CNTN5: variants seen among roughly 807,000 people sequenced by gnomAD.
The protein encoded by CNTN5 is contactin-5.
Under a neutral mutation model 129.1 loss-of-function variants are expected in CNTN5, and 77 were observed. That is an observed-to-expected ratio of 0.60 (90% confidence interval 0.50 to 0.72). The LOEUF (loss-of-function observed/expected upper bound fraction) is 0.72, where lower values mean the gene tolerates loss of function less well. Among genes scored for constraint, CNTN5 ranks in the 30% least tolerant of loss-of-function variants. The pLI, the probability that CNTN5 is intolerant of heterozygous loss-of-function variation, is 0.00. For missense variants in CNTN5, 1,478 were observed against 1,328.8 expected, an observed-to-expected ratio of 1.11 and a Z score of -1.75; for synonymous variants, 509 against 465.6, an observed-to-expected ratio of 1.09 and a Z score of -1.20.
At chr11:99,188,971 C>T (rs1460645888) in intron 1 of CNTN5, among the ~76,000 whole-genome samples, 1 of 151,612 alleles carries the variant, frequency 6.6e-6, no homozygotes, top group Admixed American at 6.6e-5. Context: ...TTAATTGAAA[C>T]TTTCGAACTT....
chr11:100,128,975 A>G (rs1198835777), intron 13 of CNTN5, among the ~76,000 whole-genome samples: 2 of 152,092 alleles, frequency 1.3e-5, no homozygotes, highest in African/African-American at 2.4e-5. Context: ...ACTATTTCAG[A>G]TCATTAATAT....
chr11:100,240,071 CAT>C (rs1224649295), intron 16 of CNTN5, among the ~76,000 whole-genome samples: 2 of 152,160 alleles, frequency 1.3e-5, no homozygotes, highest in Non-Finnish European at 2.9e-5. Flanking sequence ...TCAAAGCTCA[CAT>C]ATTTGTTTCA....
At chr11:99,432,175 TAAG>T (rs1465818737) in intron 2 of CNTN5, among the ~76,000 whole-genome samples, 2 of 152,204 alleles carry the variant, frequency 1.3e-5, no homozygotes, top group Non-Finnish European at 2.9e-5. Context: ...ATTGCGGGCC[TAAG>T]ATTTTATTTT....
At chr11:100,308,643 T>C (rs1001500994) in intron 21 of CNTN5, 175 bp downstream of exon 21, 1 of 1,312,106 alleles carries the variant, frequency 7.6e-7, no homozygotes. Flanking sequence ...GCTCATTAAC[T>C]GGTTTATTTT....
chr11:100,139,965 G>C (rs1946640887), intron 13 of CNTN5, among the ~76,000 whole-genome samples: 1 of 152,154 alleles, frequency 6.6e-6, no homozygotes, highest in Non-Finnish European at 1.5e-5. Context: ...CTGGTGCAAT[G>C]CTCTCAAGTA....
At chr11:99,105,964 A>G (rs1164988841) in intron 1 of CNTN5, among the ~76,000 whole-genome samples, 1 of 152,170 alleles carries the variant, frequency 6.6e-6, no homozygotes, top group Non-Finnish European at 1.5e-5. Context: ...TTCAGTTAGA[A>G]ATGACAATGT....
intron 3 of CNTN5, among the ~76,000 whole-genome samples, chr11:99,789,997 T>G (rs938174835): frequency 6.6e-6 from 1 of 152,006 alleles, no homozygotes; most frequent in African/African-American, 2.4e-5. Flanking sequence ...ACCCAGTGTT[T>G]AGCTCCCACT....
Position 99,819,672 on chromosome 11 carries a change from C to G in CNTN5, c.184C>G (p.Leu62Val). The part of the protein sequence containing the change: ...PRYSSPSLGT[L>V]SASSPSWLGA... The stretch of plus-strand genomic sequence containing the variant: ...ATACAGCAGCCCTTCATTAGGAACA[C>G]TGAGTGCTTCTTCACCCAGCTGGCT... Residue 62 changes from leucine (L) to valine (V), a missense_variant, in exon 4 of 25, where the codon CTG becomes GTG. Coordinates refer to ENST00000524871, the MANE Select transcript of CNTN5 (RefSeq NM_014361.4). The G allele has an allele frequency of 6.2e-7, 1 of 1,612,976 alleles. No individual in the cohort carries two copies. The highest frequency in any genetic ancestry group is 1.3e-5 in the African/African-American group (1 of 75,090).
At chr11:99,450,001 A>G (rs1944233466) in intron 2 of CNTN5, among the ~76,000 whole-genome samples, 1 of 152,118 alleles carries the variant, frequency 6.6e-6, no homozygotes, top group African/African-American at 2.4e-5. Flanking sequence ...TATTTTTTTG[A>G]TCGACAAACT....
At position 99,294,144 on chromosome 11, in the gene CNTN5, C is replaced by T. The variant is rs533785234; in HGVS notation, c.-209-31202C>T. 1.5e-3 allele frequency among the ~76,000 whole-genome samples: 223 copies of T among 151,930 alleles called. 1 individual carries two copies. The highest frequency in any genetic ancestry group is 5.2e-3 in the African/African-American group (217 of 41,464). On this transcript the variant is annotated intron_variant, in intron 1 of 24. Coordinates refer to ENST00000524871, the MANE Select transcript of CNTN5 (RefSeq NM_014361.4). ...TCCAAGACTCTTTAAAATGTTATTC[C>T]TAATTTTTTAAATTAATTCATTGGT...
chr11:99,890,137 A>C (rs1253858694), intron 6 of CNTN5, among the ~76,000 whole-genome samples: 1 of 152,194 alleles, frequency 6.6e-6, no homozygotes, highest in Non-Finnish European at 1.5e-5. Context: ...ATTTGACATG[A>C]AGAATTGAAT....
intron 3 of CNTN5, among the ~76,000 whole-genome samples, chr11:99,723,051 C>G: frequency 6.6e-6 from 1 of 151,942 alleles, no homozygotes; most frequent in East Asian, 1.9e-4. Context: ...TATATTTAGA[C>G]TCCATGGGGA....
At chr11:99,827,823 A>G (rs1027202206) in intron 4 of CNTN5, among the ~76,000 whole-genome samples, 1 of 152,174 alleles carries the variant, frequency 6.6e-6, no homozygotes, top group Admixed American at 6.6e-5. Flanking sequence ...AATGTTTGTG[A>G]CGCAAATTTT....
At chr11:99,495,715 G>C (rs1946199618) in intron 2 of CNTN5, among the ~76,000 whole-genome samples, 1 of 152,124 alleles carries the variant, frequency 6.6e-6, no homozygotes, top group Non-Finnish European at 1.5e-5. Flanking sequence ...TTGATAGCAG[G>C]GTAGAGAATA....
chr11:100,293,261 A>G (rs1951032486), intron 18 of CNTN5, among the ~76,000 whole-genome samples: 1 of 151,836 alleles, frequency 6.6e-6, no homozygotes, highest in African/African-American at 2.4e-5. Context: ...CTTCTTGACT[A>G]TTGCCACTTA....
chr11:99,547,180 T>G (rs1337710449), intron 2 of CNTN5, among the ~76,000 whole-genome samples: 1 of 151,982 alleles, frequency 6.6e-6, no homozygotes, highest in Non-Finnish European at 1.5e-5. Flanking sequence ...ATTTTGTATT[T>G]TTTTAGTAGA....
chr11:99,093,324 GC>G (rs1866330393), intron 1 of CNTN5, among the ~76,000 whole-genome samples: 1 of 152,032 alleles, frequency 6.6e-6, no homozygotes, highest in Non-Finnish European at 1.5e-5. Context: ...GATCTCTGTT[GC>G]CAGACACTAG....
In CNTN5 at chr11:99,241,602, T is replaced by G. The variant is rs572468493; in HGVS notation, c.-209-83744T>G. Among the ~76,000 whole-genome samples, 4 of 152,186 alleles carry G rather than the reference T, an allele frequency of 2.6e-5. No homozygotes were observed. The East Asian group carries it at 5.8e-4, about 22-fold the overall frequency. The stretch of plus-strand genomic sequence containing the variant: ...TAGGTAGGTAGACAGATTGATAGAT[T>G]TTTTTAAACATTGGCTGTCCGTTTT... On this transcript the variant is annotated intron_variant, in intron 1 of 24. Transcript: ENST00000524871.
intron 15 of CNTN5, among the ~76,000 whole-genome samples, chr11:100,217,495 C>G (rs779245344): frequency 5.9e-5 from 9 of 152,156 alleles, no homozygotes; most frequent in Non-Finnish European, 1.2e-4. Context: ...TGTTATAATT[C>G]TAGACCTTTC....
Sources: allele counts gnomAD v4.1 joint callset (sites outside exome capture counted in the v4.1 genomes callset), GRCh38; gene constraint gnomAD v4.1.1; transcripts MANE v1.5; gene names NCBI Gene and HGNC (gene_info 2026-07-23, HGNC 2026-07-21).